Variants in NLGN1 observed in about 807,000 individuals in gnomAD.
NLGN1 encodes neuroligin 1.
A neutral mutation model predicts 65.5 loss-of-function variants in NLGN1; 12 were observed. The ratio of observed to expected loss-of-function variants is 0.18; its 90% CI spans 0.12 to 0.30. NLGN1 has a LOEUF of 0.30. NLGN1 is among the 10% of genes least tolerant of loss of function. NLGN1 has a pLI of 1.00. For missense variants in NLGN1, 750 were observed against 1,007.1 expected (o/e 0.74, Z 3.46); for synonymous variants, 350 against 359.5 (o/e 0.97, Z 0.30).
intron 4 of NLGN1, among the ~76,000 whole-genome samples, chr3:174,176,071 A>G (rs1162215839): frequency 6.6e-6 from 1 of 151,920 alleles, no homozygotes; most frequent in Non-Finnish European, 1.5e-5. Context: ...ATATCCATCC[A>G]TGAGTTCTGT....
intron 4 of NLGN1, among the ~76,000 whole-genome samples, chr3:173,831,822 G>C (rs1003804334): frequency 6.6e-6 from 1 of 152,044 alleles, no homozygotes. Context: ...ATTCAGTAGA[G>C]ACACATACAT....
chr3:173,605,237 C>G (rs1751190113), intron 3 of NLGN1, 146 bp downstream of exon 2: 4 of 678,944 alleles, frequency 5.9e-6, no homozygotes, highest in Admixed American at 6.4e-5. Flanking sequence ...GCATGGTGCT[C>G]TTTTTGTTTA....
At chr3:174,165,261 A>G (rs559348797) in intron 4 of NLGN1, among the ~76,000 whole-genome samples, 2 of 152,068 alleles carry the variant, frequency 1.3e-5, no homozygotes, top group Non-Finnish European at 2.9e-5. Flanking sequence ...GAGAATGGAC[A>G]TCCTTGTCTT....
At chr3:174,001,642 A>G (rs1723309766) in intron 4 of NLGN1, among the ~76,000 whole-genome samples, 1 of 152,216 alleles carries the variant, frequency 6.6e-6, no homozygotes, top group Non-Finnish European at 1.5e-5. Flanking sequence ...CCTCATCAAT[A>G]GAGTAATATG....
At chr3:173,542,174 T>G (rs1738998120) in intron 2 of NLGN1, among the ~76,000 whole-genome samples, 1 of 152,036 alleles carries the variant, frequency 6.6e-6, no homozygotes, top group Non-Finnish European at 1.5e-5. Context: ...TTTCTTCTAT[T>G]GAATTTTGAT....
upstream of NLGN1, among the ~76,000 whole-genome samples, chr3:173,396,953 C>T (rs1716727053): frequency 6.6e-6 from 1 of 152,170 alleles, no homozygotes; most frequent in Non-Finnish European, 1.5e-5. Flanking sequence ...AATAGCCTTT[C>T]TGGCGGTTTT....
chr3:173,409,074 ACT>A (rs1037708747), intron 1 of NLGN1, among the ~76,000 whole-genome samples: 4 of 152,060 alleles, frequency 2.6e-5, no homozygotes, highest in African/African-American at 7.2e-5. Flanking sequence ...CTCGTGGGAC[ACT>A]CTACCATAGA....
At chr3:173,613,398 C>A (rs913601801) in intron 3 of NLGN1, among the ~76,000 whole-genome samples, 1 of 152,088 alleles carries the variant, frequency 6.6e-6, no homozygotes, top group Non-Finnish European at 1.5e-5. Context: ...CTGTGCCCTC[C>A]TGAGAAGTTC....
rs146635510 is a variant in NLGN1 at position 173,912,715 on chromosome 3, G to A, written c.646+104883G>A. 5.3e-5 allele frequency: 8 copies of A among 152,130 alleles called. No individual in the cohort carries two copies. In the East Asian group the frequency reaches 1.2e-3, roughly 22 times the overall value. 9.4% of individuals were successfully genotyped at this position (152,130 alleles called of 1,614,324 possible). ...TCATTTAAAATTTTGATGAAAAAAC[G>A]TGACTATGGGAGAAATTTTATGATA... is the stretch of plus-strand genomic sequence containing the variant. On this transcript the variant is annotated intron_variant, in intron 4 of 6. Transcript: ENST00000457714.
chr3:173,866,270 T>C (rs1730143103), intron 4 of NLGN1, among the ~76,000 whole-genome samples: 1 of 152,190 alleles, frequency 6.6e-6, no homozygotes, highest in Admixed American at 6.5e-5. Flanking sequence ...GATTCTCGCT[T>C]GAACCCGGGA....
intron 3 of NLGN1, among the ~76,000 whole-genome samples, chr3:173,642,293 G>A (rs569119111): frequency 6.6e-6 from 1 of 152,278 alleles, no homozygotes; most frequent in East Asian, 1.9e-4. Context: ...TGCCTTGAGA[G>A]TTTTCAGACT....
chr3:173,705,468 A>C (rs1274970191), intron 3 of NLGN1, among the ~76,000 whole-genome samples: 2 of 152,180 alleles, frequency 1.3e-5, no homozygotes, highest in Non-Finnish European at 2.9e-5. Context: ...AATAGATGTT[A>C]GACAGGTAAA....
At chr3:173,620,566 A>G (rs888756926) in intron 3 of NLGN1, among the ~76,000 whole-genome samples, 15 of 152,146 alleles carry the variant, frequency 9.9e-5, no homozygotes, top group Non-Finnish European at 1.6e-4. Context: ...GGGGAAAGGC[A>G]CCAGAAAATA....
intron 4 of NLGN1, among the ~76,000 whole-genome samples, chr3:174,274,862 C>A (rs1479551877): frequency 6.6e-6 from 1 of 151,846 alleles, no homozygotes; most frequent in Non-Finnish European, 1.5e-5. Context: ...CTGCTCTACA[C>A]ATGTCCATCC....
chr3:174,002,389 A>T (rs763259680), intron 4 of NLGN1, among the ~76,000 whole-genome samples: 6 of 152,144 alleles, frequency 3.9e-5, no homozygotes, highest in Non-Finnish European at 7.4e-5. Flanking sequence ...CGGCCTCCCA[A>T]ACTGCCGGGA....
chr3:173,762,462 A>G (rs978513485), intron 3 of NLGN1, among the ~76,000 whole-genome samples: 7 of 152,086 alleles, frequency 4.6e-5, no homozygotes, highest in Non-Finnish European at 8.8e-5. Flanking sequence ...TCTAGATGAG[A>G]TGAAATATAC....
intron 3 of NLGN1, among the ~76,000 whole-genome samples, chr3:173,788,706 A>G (rs1578436290): frequency 6.6e-6 from 1 of 152,104 alleles, no homozygotes; most frequent in East Asian, 1.9e-4. Flanking sequence ...TTGTAGTTCC[A>G]GCTGCTGGAG....
At chr3:173,619,926 C>T (rs1230024708) in intron 3 of NLGN1, among the ~76,000 whole-genome samples, 1 of 152,074 alleles carries the variant, frequency 6.6e-6, no homozygotes, top group Non-Finnish European at 1.5e-5. Flanking sequence ...ATCCACTGAG[C>T]ACAGGATGTG....
intron 2 of NLGN1, among the ~76,000 whole-genome samples, chr3:173,467,915 A>G (rs942191904): frequency 9.9e-5 from 15 of 152,164 alleles, no homozygotes; most frequent in African/African-American, 3.6e-4. Flanking sequence ...AATCTAAGGC[A>G]TAGTTGTTAA....
Sources: gnomAD v4.1 joint callset for allele counts (sites outside exome capture counted in the v4.1 genomes callset) on GRCh38, gnomAD v4.1.1 for gene constraint, MANE v1.5 for transcripts, NCBI Gene and HGNC (gene_info 2026-07-23, HGNC 2026-07-21) for gene names.